CACNA2D3: variants seen among roughly 807,000 people sequenced by gnomAD.
CACNA2D3 encodes voltage-dependent calcium channel subunit alpha-2/delta-3.
Under a neutral mutation model 160.6 loss-of-function variants are expected in CACNA2D3, and 60 were observed. The ratio of observed to expected loss-of-function variants is 0.37; its 90% CI spans 0.30 to 0.46. CACNA2D3 has a LOEUF of 0.46. Ranked by LOEUF, CACNA2D3 falls within the 20% of genes least tolerant of loss-of-function variation. The pLI is 1.00. For missense variants in CACNA2D3, 1,205 were observed against 1,365.0 expected (o/e 0.88, Z 1.85); for synonymous variants, 558 against 492.9 (o/e 1.13, Z -1.75).
At chr3:54,892,802 A>G (rs1359267725) in intron 25 of CACNA2D3, among the ~76,000 whole-genome samples, 1 of 152,230 alleles carries the variant, frequency 6.6e-6, no homozygotes, top group Non-Finnish European at 1.5e-5. Context: ...CAAAACAGTA[A>G]CAATAAAACA....
At position 54,905,247 on chromosome 3, in the gene CACNA2D3, A is replaced by G. The variant is rs556819111; in HGVS notation, c.2449+5379A>G. On this transcript the variant is annotated intron_variant, in intron 27 of 37. Transcript: ENST00000474759. The stretch of plus-strand genomic sequence containing the variant: ...ATGTGGGTTATGTGGTCTCATTTGC[A>G]TAACTCAGGGCAGTGTAATGAAGGG... Among the ~76,000 whole-genome samples the G allele has an allele frequency of 6.6e-5, 10 of 152,338 alleles. No homozygotes were observed. The South Asian group carries it at 2.1e-3, about 32-fold the overall frequency.
At chr3:54,637,417 A>G (rs2106836136) in intron 10 of CACNA2D3, among the ~76,000 whole-genome samples, 1 of 152,034 alleles carries the variant, frequency 6.6e-6, no homozygotes, top group South Asian at 2.1e-4. Flanking sequence ...GCTGTAGTCC[A>G]GGAATAGTCA....
chr3:54,744,181 G>C (rs575632863), intron 11 of CACNA2D3, among the ~76,000 whole-genome samples: 2 of 152,252 alleles, frequency 1.3e-5, no homozygotes, highest in Admixed American at 1.3e-4. Context: ...TATCTGCTCT[G>C]CACAAAACTG....
chr3:54,896,719 C>T (rs1440346659), intron 25 of CACNA2D3, 30 bp from the exon 26 acceptor site: 2 of 1,613,718 alleles, frequency 1.2e-6, no homozygotes, highest in Non-Finnish European at 1.7e-6. Flanking sequence ...CTGAGTGATG[C>T]ATGTTCTTCT....
At chr3:54,225,252 C>T (rs1701650796) in intron 2 of CACNA2D3, among the ~76,000 whole-genome samples, 1 of 152,158 alleles carries the variant, frequency 6.6e-6, no homozygotes, top group Non-Finnish European at 1.5e-5. Flanking sequence ...TGGTTTCCAG[C>T]TTCATCCATG....
chr3:54,509,935 G>A (rs1309947975), intron 5 of CACNA2D3, among the ~76,000 whole-genome samples: 1 of 152,230 alleles, frequency 6.6e-6, no homozygotes, highest in Non-Finnish European at 1.5e-5. Context: ...GTATATGTGT[G>A]TATGCATAGG....
chr3:54,757,986 A>T (rs1047833150), intron 12 of CACNA2D3, among the ~76,000 whole-genome samples: 5 of 152,202 alleles, frequency 3.3e-5, no homozygotes, highest in Non-Finnish European at 7.3e-5. Flanking sequence ...ATTTGAGGTA[A>T]TCTAGGAAAA....
At chr3:54,756,981 A>C (rs1575460022) in intron 12 of CACNA2D3, among the ~76,000 whole-genome samples, 1 of 152,126 alleles carries the variant, frequency 6.6e-6, no homozygotes, top group East Asian at 1.9e-4. Context: ...TTTTACATAC[A>C]TTAAAACAAT....
At chr3:54,951,188 G>A (rs1161580579) in intron 27 of CACNA2D3, among the ~76,000 whole-genome samples, 1 of 152,176 alleles carries the variant, frequency 6.6e-6, no homozygotes. Context: ...AGATAATACA[G>A]AATAAAGTAG....
At chr3:54,679,593 C>G (rs1400961907) in intron 11 of CACNA2D3, among the ~76,000 whole-genome samples, 4 of 152,180 alleles carry the variant, frequency 2.6e-5, no homozygotes, top group Non-Finnish European at 5.9e-5. Flanking sequence ...CCCCTTATCT[C>G]TGTGTCACAC....
intron 5 of CACNA2D3, among the ~76,000 whole-genome samples, chr3:54,521,342 T>C (rs1701643396): frequency 6.6e-6 from 1 of 152,248 alleles, no homozygotes; most frequent in Non-Finnish European, 1.5e-5. Context: ...CATTTGAATA[T>C]GCTCTTTGGA....
At chr3:54,466,398 C>T (rs528980665) in intron 4 of CACNA2D3, among the ~76,000 whole-genome samples, 1 of 152,208 alleles carries the variant, frequency 6.6e-6, no homozygotes, top group East Asian at 1.9e-4. Flanking sequence ...GGTTATACCA[C>T]CCATTGTTGT....
At chr3:54,686,530 G>C (rs151312363) in intron 11 of CACNA2D3, among the ~76,000 whole-genome samples, 9 of 152,324 alleles carry the variant, frequency 5.9e-5, no homozygotes, top group Middle Eastern at 3.4e-3. Context: ...CCAATTCACA[G>C]TGTAGTAGGT....
chr3:54,278,216 G>A (rs1702789169), intron 2 of CACNA2D3, among the ~76,000 whole-genome samples: 1 of 152,160 alleles, frequency 6.6e-6, no homozygotes, highest in Non-Finnish European at 1.5e-5. Flanking sequence ...AGACATTTAT[G>A]CAGCCAACAA....
At chr3:55,052,801 A>C (rs1048402259) in intron 35 of CACNA2D3, among the ~76,000 whole-genome samples, 44 of 152,082 alleles carry the variant, frequency 2.9e-4, no homozygotes, top group African/African-American at 9.7e-4. Context: ...TAATATAGCT[A>C]CTGCAGGTTC....
chr3:54,548,079 G>A (rs1702094363), intron 5 of CACNA2D3, among the ~76,000 whole-genome samples: 1 of 152,114 alleles, frequency 6.6e-6, no homozygotes, highest in Admixed American at 6.6e-5. Flanking sequence ...TAAGGCTTTG[G>A]TGTGGAGTGA....
intron 2 of CACNA2D3, among the ~76,000 whole-genome samples, chr3:54,242,524 G>A (rs951197702): frequency 6.6e-6 from 1 of 152,130 alleles, no homozygotes; most frequent in Admixed American, 6.6e-5. Context: ...CACCACTCTT[G>A]TACTTTGGGG....
chr3:54,720,817 C>T (rs949251605), intron 11 of CACNA2D3, among the ~76,000 whole-genome samples: 1 of 152,044 alleles, frequency 6.6e-6, no homozygotes, highest in African/African-American at 2.4e-5. Flanking sequence ...CCTGTCGAAT[C>T]AGCTCTTTTA....
chr3:54,578,211 A>G (rs540731075), intron 8 of CACNA2D3, among the ~76,000 whole-genome samples: 1 of 152,326 alleles, frequency 6.6e-6, no homozygotes. Flanking sequence ...AATTGCATCT[A>G]GCTGGTGATG....
Sources: gnomAD v4.1 joint callset for allele counts (sites outside exome capture counted in the v4.1 genomes callset) on GRCh38, gnomAD v4.1.1 for gene constraint, MANE v1.5 for transcripts, NCBI Gene and HGNC (gene_info 2026-07-23, HGNC 2026-07-21) for gene names.